USP47: variants seen among roughly 807,000 people sequenced by gnomAD.
USP47 encodes the protein ubiquitin specific peptidase 47.
In USP47, 35 loss-of-function variants were observed where a neutral mutation model predicts 165.1. The ratio of observed to expected loss-of-function variants is 0.21; its 90% CI spans 0.16 to 0.28. USP47 has a LOEUF of 0.28. Ranked by LOEUF, USP47 falls within the 10% of genes least tolerant of loss-of-function variation. The probability of loss-of-function intolerance (pLI) is 1.00; values close to 1 mark genes in which losing one functional copy is unlikely to be tolerated. For missense variants in USP47, 1,277 were observed against 1,607.4 expected (o/e 0.79, Z 3.52); for synonymous variants, 531 against 544.5 (o/e 0.98, Z 0.35).
rs1223910277 is a variant in USP47, at chr11:11,880,267, T to C, written c.130T>C (p.Leu44=). The change falls in exon 2 of 28, where the codon TTA becomes CTA. Residue 44 remains leucine, a synonymous_variant. Coordinates refer to ENST00000527733, the MANE Select transcript of USP47 (RefSeq NM_001282659.2). Reference sequence around the variant, plus strand: ...AGTGAATGAACGGATCACTTTAAATTTACCAGCATCTACTCCAGTCAGAAA... The same window carrying C: ...AGTGAATGAACGGATCACTTTAAATCTACCAGCATCTACTCCAGTCAGAAA... ...KTVNERITLN[L]PASTPVRKLF... is the part of the protein sequence containing the mutation. The C allele has an allele frequency of 6.9e-7, 1 of 1,453,802 alleles. No homozygotes were observed. Among genetic ancestry groups the C allele is most frequent in the African/African-American group, 1.5e-5 (1 of 68,152 alleles). The allele number at this position is 1,453,802 out of a possible 1,614,324, so 90.1% of individuals were successfully genotyped here. A position where few individuals can be genotyped will look rare whatever the true frequency, so the allele number is the denominator to read the frequency against.
At chr11:11,892,828 AAAAAAAG>A in intron 4 of USP47, among the ~76,000 whole-genome samples, 2 of 143,752 alleles carry the variant, frequency 1.4e-5, no homozygotes, top group Non-Finnish European at 3.0e-5. Flanking sequence ...TAAAAAAAAA[AAAAAAAG>A]AAAAAGAAAA....
At position 11,952,781 on chromosome 11, in the gene USP47, G is replaced by A; in HGVS notation, c.3624G>A (p.Leu1208=). 6.2e-7 allele frequency: 1 copy of A among 1,612,926 alleles called. No individual in the cohort carries two copies. ...AGTCCATGTCACAGCTTGCAGTTTT[G>A]TCAAGACGGTGGAAGCCTTCAGAGA... is the stretch of plus-strand genomic sequence containing the variant. ...KMKSMSQLAV[L]SRRWKPSEMK... Residue 1208 remains leucine, a synonymous_variant, in exon 25 of 28, where the codon TTG becomes TTA. Coordinates refer to ENST00000527733, the MANE Select transcript of USP47 (RefSeq NM_001282659.2).
At chr11:11,889,734 G>A (rs781573778) in intron 3 of USP47, among the ~76,000 whole-genome samples, 2 of 152,076 alleles carry the variant, frequency 1.3e-5, no homozygotes, top group Non-Finnish European at 2.9e-5. Flanking sequence ...CCAAAAAAGA[G>A]CCTGAATAGC....
At chr11:11,893,058 TTC>T (rs1368379524) in intron 4 of USP47, among the ~76,000 whole-genome samples, 1 of 152,174 alleles carries the variant, frequency 6.6e-6, no homozygotes, top group Admixed American at 6.5e-5. Flanking sequence ...ATTTTGAAAT[TTC>T]TTTTTTTCTC....
In USP47 at chr11:11,857,991, T is replaced by C. The variant is rs187505813; in HGVS notation, c.39+15767T>C. On this transcript the variant is annotated intron_variant, in intron 1 of 27. Transcript: ENST00000527733. ...ACCTTTGTAGCTTCACTTCAGCCTC[T>C]GATTTGGCACCACTTCATTTACATG... 2.5e-3 allele frequency among the ~76,000 whole-genome samples: 375 copies of C among 152,250 alleles called. 2 individuals are homozygous for C. The highest frequency in any genetic ancestry group is 8.3e-3 in the African/African-American group (347 of 41,562).
rs762498581 is a variant in USP47 at position 11,933,107 on chromosome 11, T to C, written c.1755T>C (p.Asn585=). The C allele has an allele frequency of 6.2e-7, 1 of 1,612,698 alleles. No homozygotes were observed. Among genetic ancestry groups the C allele is most frequent in the Middle Eastern group, 1.7e-4 (1 of 6,050 alleles). Residue 585 remains asparagine, a synonymous_variant, in exon 15 of 28, where the codon AAT becomes AAC. Coordinates refer to ENST00000527733, the MANE Select transcript of USP47 (RefSeq NM_001282659.2). ...AGAGACAACGAGAAATTGAGCGCAA[T>C]ACATGCAAGGTTGAATTCCATCATT... The part of the protein sequence containing the change: ...QEKRQREIER[N]TCKIKLFCLH...
At chr11:11,947,134 T>C (rs1031855038) in intron 20 of USP47, among the ~76,000 whole-genome samples, 1 of 152,216 alleles carries the variant, frequency 6.6e-6, no homozygotes, top group Non-Finnish European at 1.5e-5. Flanking sequence ...TTCTACAATA[T>C]GAAGACCACA....
intron 8 of USP47, among the ~76,000 whole-genome samples, chr11:11,914,043 A>G (rs1005074931): frequency 6.6e-6 from 1 of 152,132 alleles, no homozygotes; most frequent in Non-Finnish European, 1.5e-5. Flanking sequence ...TTATTCCAAA[A>G]TGTATATGGA....
chr11:11,930,408 A>T (rs1053691532), intron 13 of USP47, among the ~76,000 whole-genome samples: 1 of 152,164 alleles, frequency 6.6e-6, no homozygotes, highest in African/African-American at 2.4e-5. Flanking sequence ...TGCTGGAAAC[A>T]ACTTGCTGGC....
chr11:11,950,516 T>G (rs1856148016), intron 24 of USP47, 34 bp downstream of exon 24: 3 of 1,390,960 alleles, frequency 2.2e-6, no homozygotes, highest in Non-Finnish European at 3.0e-6. Flanking sequence ...AAGTATCAGT[T>G]AGAAATACTC....
At chr11:11,899,943 G>C (rs1852090645) in intron 5 of USP47, among the ~76,000 whole-genome samples, 1 of 152,006 alleles carries the variant, frequency 6.6e-6, no homozygotes, top group African/African-American at 2.4e-5. Context: ...CCACAGAGTA[G>C]CGCTACCATG....
intron 1 of USP47, among the ~76,000 whole-genome samples, chr11:11,877,805 C>CTG (rs10577564): frequency 1.7e-4 from 12 of 71,122 alleles, no homozygotes; most frequent in East Asian, 1.1e-3. Flanking sequence ...CTCTCTCTCT[C>CTG]TGTGTGTGTG....
At chr11:11,908,327 T>C (rs1187655829) in intron 8 of USP47, among the ~76,000 whole-genome samples, 2 of 151,962 alleles carry the variant, frequency 1.3e-5, no homozygotes, top group Admixed American at 6.6e-5. Flanking sequence ...TTTTTAGAGA[T>C]GGGGTCTCGC....
chr11:11,946,980 T>A (rs1855887994), intron 20 of USP47, among the ~76,000 whole-genome samples: 1 of 152,204 alleles, frequency 6.6e-6, no homozygotes, highest in African/African-American at 2.4e-5. Flanking sequence ...AGGAGTGTTT[T>A]AAGGCCTCAT....
chr11:11,918,973 A>T (rs1853628516), intron 8 of USP47, among the ~76,000 whole-genome samples: 1 of 151,716 alleles, frequency 6.6e-6, no homozygotes, highest in South Asian at 2.1e-4. Flanking sequence ...AGGGAAAAAA[A>T]ATTTTTTTCT....
intron 8 of USP47, among the ~76,000 whole-genome samples, chr11:11,917,392 C>A (rs746562606): frequency 6.6e-6 from 1 of 152,088 alleles, no homozygotes; most frequent in Non-Finnish European, 1.5e-5. Context: ...ACCAAGAGAT[C>A]ACGGGCAGCT....
intron 5 of USP47, among the ~76,000 whole-genome samples, chr11:11,902,266 C>G (rs1422540094): frequency 6.6e-6 from 1 of 151,978 alleles, no homozygotes; most frequent in Non-Finnish European, 1.5e-5. Context: ...CTTTTTTCAT[C>G]CTTGCAATTT....
intron 1 of USP47, among the ~76,000 whole-genome samples, chr11:11,876,409 T>C (rs1436034375): frequency 1.3e-5 from 2 of 152,174 alleles, no homozygotes; most frequent in Admixed American, 6.5e-5. Context: ...CACTTGAACT[T>C]GGATGTGCTC....
At chr11:11,891,921 C>T (rs1205228229) in intron 3 of USP47, 47 bp from the exon 4 acceptor site, 5 of 1,579,886 alleles carry the variant, frequency 3.2e-6, no homozygotes, top group Admixed American at 3.5e-5. Flanking sequence ...GCTGTTGTTT[C>T]AGCAACATTT....
Sources: allele counts gnomAD v4.1 joint callset (sites outside exome capture counted in the v4.1 genomes callset), GRCh38; gene constraint gnomAD v4.1.1; transcripts MANE v1.5; gene names NCBI Gene and HGNC (gene_info 2026-07-23, HGNC 2026-07-21).